The following B3GALT1 variants were observed in gnomAD, a reference collection of about 807,000 sequenced individuals.
The protein encoded by B3GALT1 is UDP-Gal:betaGlcNAc beta 1,3-galactosyltransferase, polypeptide 1.
Under a neutral mutation model 23.2 loss-of-function variants are expected in B3GALT1, and 10 were observed. The ratio of observed to expected loss-of-function variants is 0.43; its 90% CI spans 0.27 to 0.73. The LOEUF (loss-of-function observed/expected upper bound fraction) is 0.73. B3GALT1 is among the 30% of genes least tolerant of loss of function. The pLI is 0.21. For missense variants in B3GALT1, 299 were observed against 405.4 expected (o/e 0.74, Z 2.25); for synonymous variants, 156 against 141.5 (o/e 1.10, Z -0.73).
In B3GALT1 at chr2:167,870,860, T is replaced by A. The variant is rs1341922450; in HGVS notation, c.*840T>A. The A allele has an allele frequency of 6.0e-6, 1 of 167,090 alleles. No homozygotes were observed. Among genetic ancestry groups the A allele is most frequent in the African/African-American group, 2.4e-5 (1 of 41,444 alleles). The allele number at this position is 167,090 out of a possible 1,614,324, so 10.4% of individuals were successfully genotyped here. On this transcript the variant is annotated 3_prime_UTR_variant, in exon 5 of 5. Transcript: ENST00000392690. ...ACAGTTTTTGGATCTGGCAGGCATA[T>A]GTCTCTATGTAGAAAATAAGTTGGT...
At chr2:167,444,623 A>G (rs1276685955) in intron 1 of B3GALT1, among the ~76,000 whole-genome samples, 2 of 151,982 alleles carry the variant, frequency 1.3e-5, no homozygotes, top group African/African-American at 2.4e-5. Context: ...GAATTTATGC[A>G]TTTCTTCTAG....
intron 2 of B3GALT1, among the ~76,000 whole-genome samples, chr2:167,514,093 G>T (rs1489211482): frequency 6.6e-6 from 1 of 152,054 alleles, no homozygotes; most frequent in Non-Finnish European, 1.5e-5. Flanking sequence ...ATCTTTAGTA[G>T]AAACGGGGTT....
intron 1 of B3GALT1, among the ~76,000 whole-genome samples, chr2:167,326,891 C>T (rs1270464132): frequency 2.0e-5 from 3 of 151,916 alleles, no homozygotes; most frequent in Admixed American, 6.5e-5. Flanking sequence ...GGTTTCGCCA[C>T]GTTGGCCAGG....
intron 3 of B3GALT1, among the ~76,000 whole-genome samples, chr2:167,803,750 C>G (rs895955132): frequency 2.6e-5 from 4 of 152,152 alleles, no homozygotes; most frequent in Non-Finnish European, 5.9e-5. Flanking sequence ...CCAAAACTCT[C>G]CTAAGGAATA....
intron 4 of B3GALT1, among the ~76,000 whole-genome samples, chr2:167,839,764 C>T (rs1469250735): frequency 6.6e-6 from 1 of 152,182 alleles, no homozygotes; most frequent in African/African-American, 2.4e-5. Context: ...CATCACACTA[C>T]CTGACTTCAA....
At chr2:167,553,392 A>C (rs1007971798) in intron 2 of B3GALT1, among the ~76,000 whole-genome samples, 1 of 152,236 alleles carries the variant, frequency 6.6e-6, no homozygotes, top group African/African-American at 2.4e-5. Flanking sequence ...TTCTTTTCAC[A>C]TGAGGAAATT....
intron 1 of B3GALT1, among the ~76,000 whole-genome samples, chr2:167,433,458 C>T (rs544953398): frequency 2.0e-5 from 3 of 152,236 alleles, no homozygotes; most frequent in South Asian, 2.1e-4. Flanking sequence ...CTATCTGCTT[C>T]CTCTTTTTGA....
At chr2:167,467,618 T>C (rs902021160) in intron 1 of B3GALT1, among the ~76,000 whole-genome samples, 3 of 152,118 alleles carry the variant, frequency 2.0e-5, no homozygotes, top group Non-Finnish European at 2.9e-5. Context: ...GTTAAGACAA[T>C]GAGGAGATTA....
At chr2:167,297,316 A>G (rs1413654654) in intron 1 of B3GALT1, among the ~76,000 whole-genome samples, 110 of 152,180 alleles carry the variant, frequency 7.2e-4, no homozygotes, top group Admixed American at 7.1e-3. Flanking sequence ...GAAAGATTCA[A>G]AAGCATGTTT....
chr2:167,656,972 C>T lies in B3GALT1; in HGVS notation c.-352+10006C>T, dbSNP rs376743505. Among the ~76,000 whole-genome samples the T allele has an allele frequency of 8.6e-5, 13 of 151,940 alleles. No homozygotes were observed. In the East Asian group the frequency reaches 9.7e-4, roughly 11 times the overall value. On this transcript the variant is annotated intron_variant, in intron 3 of 4. Coordinates refer to ENST00000392690, the MANE Select transcript of B3GALT1 (RefSeq NM_020981.4). ...CACAGTGAAGAAGCCAGAGCTCACC[C>T]TCTAGTGAGGAGAGAAATCAGGAAA...
chr2:167,690,536 A>C (rs755701714), intron 3 of B3GALT1, among the ~76,000 whole-genome samples: 1 of 152,132 alleles, frequency 6.6e-6, no homozygotes, highest in Non-Finnish European at 1.5e-5. Context: ...TGAACATAAA[A>C]GGGCTTAGGG....
intron 1 of B3GALT1, among the ~76,000 whole-genome samples, chr2:167,361,302 A>C (rs1559075143): frequency 6.6e-6 from 1 of 150,726 alleles, no homozygotes; most frequent in Non-Finnish European, 1.5e-5. Flanking sequence ...AAGTTTGATA[A>C]CCATTGATCT....
intron 2 of B3GALT1, among the ~76,000 whole-genome samples, chr2:167,541,117 G>A (rs1318894653): frequency 6.6e-6 from 1 of 152,014 alleles, no homozygotes; most frequent in Non-Finnish European, 1.5e-5. Flanking sequence ...TAAGTTCTGA[G>A]TCTTACTTTT....
At chr2:167,515,263 G>T (rs1024911321) in intron 2 of B3GALT1, among the ~76,000 whole-genome samples, 3 of 152,108 alleles carry the variant, frequency 2.0e-5, no homozygotes, top group Non-Finnish European at 4.4e-5. Flanking sequence ...ATAGATTTCA[G>T]CTAGAGACCT....
intron 2 of B3GALT1, among the ~76,000 whole-genome samples, chr2:167,506,734 TA>T (rs1699923791): frequency 6.6e-6 from 1 of 151,028 alleles, no homozygotes; most frequent in Non-Finnish European, 1.5e-5. Context: ...AATACACACA[TA>T]GATAAAATAA....
chr2:167,539,090 A>G (rs971782497), intron 2 of B3GALT1, among the ~76,000 whole-genome samples: 5 of 152,190 alleles, frequency 3.3e-5, no homozygotes, highest in African/African-American at 1.2e-4. Context: ...TTGTTAATCT[A>G]TGCTAAAAAC....
chr2:167,446,658 T>A (rs549314114), intron 1 of B3GALT1, among the ~76,000 whole-genome samples: 1 of 152,350 alleles, frequency 6.6e-6, no homozygotes, highest in South Asian at 2.1e-4. Flanking sequence ...TCAAATCGGC[T>A]ACTGAAGCTT....
At chr2:167,515,307 A>T (rs927609668) in intron 2 of B3GALT1, among the ~76,000 whole-genome samples, 1 of 152,168 alleles carries the variant, frequency 6.6e-6, no homozygotes, top group Non-Finnish European at 1.5e-5. Flanking sequence ...TTCAAGTGTT[A>T]TTATTACATT....
intron 1 of B3GALT1, among the ~76,000 whole-genome samples, chr2:167,445,536 A>C (rs1698969328): frequency 6.6e-6 from 1 of 152,162 alleles, no homozygotes; most frequent in Non-Finnish European, 1.5e-5. Context: ...TTGCTTTATG[A>C]ACCTGGATGC....
Sources: allele counts gnomAD v4.1 joint callset (sites outside exome capture counted in the v4.1 genomes callset), GRCh38; gene constraint gnomAD v4.1.1; transcripts MANE v1.5; gene names NCBI Gene and HGNC (gene_info 2026-07-23, HGNC 2026-07-21).